The following PID1 variants were observed in gnomAD, a reference collection of about 807,000 sequenced individuals.
The protein encoded by PID1 is PTB-containing, cubilin and LRP1-interacting protein.
In PID1, 10 loss-of-function variants were observed where a neutral mutation model predicts 19.1. The observed-to-expected ratio is 0.52, with a 90% CI of 0.32 to 0.89. PID1 has a LOEUF of 0.89. Among genes scored for constraint, PID1 ranks in the 40% least tolerant of loss-of-function variants. PID1 has a pLI of 0.03. For synonymous variants in PID1, 130 were observed against 116.0 expected, an observed-to-expected ratio of 1.12 and a Z score of -0.78; for missense variants, 248 against 285.3, an observed-to-expected ratio of 0.87 and a Z score of 0.94.
chr2:229,126,571 TA>T (rs1695627407), intron 2 of PID1, among the ~76,000 whole-genome samples: 1 of 152,188 alleles, frequency 6.6e-6, no homozygotes, highest in Non-Finnish European at 1.5e-5. Flanking sequence ...GCCTGTGAGA[TA>T]AATAACCTTT....
chr2:229,129,883 T>C (rs985813524), intron 2 of PID1, among the ~76,000 whole-genome samples: 1 of 152,062 alleles, frequency 6.6e-6, no homozygotes, highest in African/African-American at 2.4e-5. Flanking sequence ...ATAATGAAAA[T>C]CTGTCCTGCT....
At position 229,249,593 on chromosome 2, in the gene PID1, A is replaced by G. The variant is rs147891440; in HGVS notation, c.30+21421T>C. Among the ~76,000 whole-genome samples the G allele has an allele frequency of 4.5e-3, 688 of 152,338 alleles. 3 individuals are homozygous for G. The highest frequency in any genetic ancestry group is 0.016 in the African/African-American group (672 of 41,574). On this transcript the variant is annotated intron_variant, in intron 1 of 2. Coordinates refer to ENST00000392055, the MANE Select transcript of PID1 (RefSeq NM_001100818.2). ...AGCTTCTAGGCTTTTGGAAGATAGA[A>G]GTCCACACATAATTCCAATAAAAAG...
intron 2 of PID1, among the ~76,000 whole-genome samples, chr2:229,114,015 C>T (rs558071583): frequency 6.6e-6 from 1 of 152,258 alleles, no homozygotes; most frequent in South Asian, 2.1e-4. Context: ...GCTGACGTCC[C>T]TGGAAGAAGA....
At chr2:229,090,956 A>G (rs1224099455) in intron 2 of PID1, among the ~76,000 whole-genome samples, 1 of 152,144 alleles carries the variant, frequency 6.6e-6, no homozygotes, top group Non-Finnish European at 1.5e-5. Flanking sequence ...TCTATTGTTT[A>G]CCACGTTTGA....
intron 1 of PID1, among the ~76,000 whole-genome samples, chr2:229,228,735 G>T (rs34509243): frequency 0.54 from 81,767 of 151,290 alleles, 22,690 homozygotes; most frequent in African/African-American, 0.63. Flanking sequence ...AAACAAAAAG[G>T]TATCTGCTAA....
At chr2:229,232,031 A>AAGGC (rs1304853779) in intron 1 of PID1, 8 of 1,549,080 alleles carry the variant, frequency 5.2e-6, no homozygotes, top group Non-Finnish European at 7.0e-6. Flanking sequence ...CACACAGTGG[A>AAGGC]AGGCTAAGGG....
chr2:229,216,333 G>A (rs1433698017), intron 1 of PID1, among the ~76,000 whole-genome samples: 1 of 152,284 alleles, frequency 6.6e-6, no homozygotes, highest in East Asian at 1.9e-4. Flanking sequence ...TCCCGATTCA[G>A]AGCTTGATAC....
rs1258383521 is a variant in PID1 at position 229,251,883 on chromosome 2, A to T, written c.30+19131T>A. 2.6e-5 allele frequency among the ~76,000 whole-genome samples: 4 copies of T among 151,582 alleles called. No homozygotes were observed. In the East Asian group the frequency reaches 5.8e-4, roughly 22 times the overall value. ...AGTCCATTCGTTCTCTTCATCTATA[A>T]CCCAATAAATAAGTTTTGATGGCCA... On this transcript the variant is annotated intron_variant, in intron 1 of 2. Transcript: ENST00000392055.
intron 1 of PID1, among the ~76,000 whole-genome samples, chr2:229,163,639 G>A (rs1055106545): frequency 8.6e-4 from 91 of 106,024 alleles, no homozygotes; most frequent in African/African-American, 3.1e-3. Flanking sequence ...GAGACAGAGG[G>A]AGAGAGAGAG....
chr2:229,068,080 T>C (rs1694368901), intron 2 of PID1, among the ~76,000 whole-genome samples: 1 of 152,222 alleles, frequency 6.6e-6, no homozygotes, highest in Non-Finnish European at 1.5e-5. Flanking sequence ...TTGTCTCACA[T>C]TTGACTGGAA....
chr2:229,052,629 C>T (rs1694018633), intron 2 of PID1, among the ~76,000 whole-genome samples: 2 of 151,720 alleles, frequency 1.3e-5, no homozygotes, highest in African/African-American at 4.8e-5. Flanking sequence ...CTTTCTCCTC[C>T]AGAAGCCCTC....
At chr2:229,042,994 A>T (rs1284816127) in intron 2 of PID1, among the ~76,000 whole-genome samples, 1 of 145,380 alleles carries the variant, frequency 6.9e-6, no homozygotes, top group African/African-American at 2.5e-5. Context: ...AGAGAGAGAG[A>T]GGAGAAAGGG....
chr2:229,096,707 A>C (rs188714543), intron 2 of PID1, among the ~76,000 whole-genome samples: 21 of 152,310 alleles, frequency 1.4e-4, no homozygotes, highest in Non-Finnish European at 2.9e-5. Context: ...GAGCTTTCAG[A>C]AATTCAAGAC....
At chr2:229,260,968 G>A (rs1012560170) in intron 1 of PID1, among the ~76,000 whole-genome samples, 5 of 151,826 alleles carry the variant, frequency 3.3e-5, no homozygotes, top group Admixed American at 2.0e-4. Context: ...GTAGTACCTC[G>A]ACATGTGACT....
At chr2:229,254,174 C>G (rs532865846) in intron 1 of PID1, among the ~76,000 whole-genome samples, 1 of 152,154 alleles carries the variant, frequency 6.6e-6, no homozygotes, top group African/African-American at 2.4e-5. Flanking sequence ...ACAAAAAAAC[C>G]TCCAAAATTG....
rs1272995671 is a variant in PID1, at chr2:229,069,141, TTTTG to T, written c.178-43037_178-43034del. Among the ~76,000 whole-genome samples the T allele has an allele frequency of 3.7e-3, 480 of 128,804 alleles. 3 individuals carry two copies. The highest frequency in any genetic ancestry group is 0.011 in the African/African-American group (397 of 34,608). 84.5% of individuals were successfully genotyped at this position (128,804 alleles called of 152,430 possible). A position where few individuals can be genotyped will look rare whatever the true frequency, so the allele number is the denominator to read the frequency against. ...CTTTCCTTTCTTTAACGAGAAGGGT[TTTTG>T]TGTGTGTGTGTGTGTGTGTGTGTGT... is the stretch of plus-strand genomic sequence containing the variant. On this transcript the variant is annotated intron_variant, in intron 2 of 2. Coordinates refer to ENST00000392055, the MANE Select transcript of PID1 (RefSeq NM_001100818.2).
intron 2 of PID1, among the ~76,000 whole-genome samples, chr2:229,033,381 T>C (rs1404024561): frequency 6.6e-6 from 1 of 152,184 alleles, no homozygotes; most frequent in African/African-American, 2.4e-5. Context: ...AAAGACCTTC[T>C]AGAGGTCTCT....
At chr2:229,115,414 A>AG (rs899519663) in intron 2 of PID1, among the ~76,000 whole-genome samples, 1 of 151,496 alleles carries the variant, frequency 6.6e-6, no homozygotes, top group African/African-American at 2.4e-5. Context: ...AAAAAAAAAA[A>AG]AAAGAAGAGA....
intron 1 of PID1, among the ~76,000 whole-genome samples, chr2:229,204,790 T>C (rs570250147): frequency 6.6e-6 from 1 of 152,210 alleles, no homozygotes; most frequent in South Asian, 2.1e-4. Context: ...TTATGGGTGG[T>C]ACGGGTGGTC....
Sources: allele counts gnomAD v4.1 joint callset (sites outside exome capture counted in the v4.1 genomes callset), GRCh38; gene constraint gnomAD v4.1.1; transcripts MANE v1.5; gene names NCBI Gene and HGNC (gene_info 2026-07-23, HGNC 2026-07-21).